KIFAP3: variants seen among roughly 807,000 people sequenced by gnomAD.
KIFAP3 encodes the protein kinesin-associated protein 3.
A neutral mutation model predicts 106.5 loss-of-function variants in KIFAP3; 68 were observed. That is an observed-to-expected ratio of 0.64 (90% CI 0.53 to 0.78). The LOEUF (loss-of-function observed/expected upper bound fraction) is 0.78. KIFAP3 is among the 30% of genes least tolerant of loss of function. The pLI, the probability that KIFAP3 is intolerant of heterozygous loss-of-function variation, is 0.00. For missense variants in KIFAP3, 780 were observed against 941.8 expected, an observed-to-expected ratio of 0.83 and a Z score of 2.25; for synonymous variants, 320 against 311.5, an observed-to-expected ratio of 1.03 and a Z score of -0.29.
At chr1:170,072,565 C>T (rs1363646327) in intron 1 of KIFAP3, among the ~76,000 whole-genome samples, 1 of 152,082 alleles carries the variant, frequency 6.6e-6, no homozygotes, top group African/African-American at 2.4e-5. Context: ...AAGAATCAAA[C>T]ACCAAAACAC....
chr1:170,072,317 T>C (rs564482653), intron 1 of KIFAP3, among the ~76,000 whole-genome samples: 2 of 152,286 alleles, frequency 1.3e-5, no homozygotes, highest in South Asian at 4.1e-4. Flanking sequence ...GATAGACACA[T>C]AGCACCTACC....
At chr1:170,062,244 G>T (rs1476509565) in intron 1 of KIFAP3, among the ~76,000 whole-genome samples, 2 of 146,298 alleles carry the variant, frequency 1.4e-5, no homozygotes, top group Non-Finnish European at 1.5e-5. Flanking sequence ...AAGAAAATGT[G>T]TCAGGTTAAA....
At chr1:170,030,004 C>T (rs757959910) in intron 8 of KIFAP3, among the ~76,000 whole-genome samples, 19 of 151,878 alleles carry the variant, frequency 1.3e-4, no homozygotes, top group Non-Finnish European at 2.4e-4. Flanking sequence ...CTTAACTAAA[C>T]TCTGAGACTA....
rs11447201 is a variant in KIFAP3, at chr1:170,048,300, G to GTT, written c.165-1436_165-1435dup. ...GTCCCTTTATTTCTTCCTTATTTGG[G>GTT]TTTTTTTTTTTTTGGTTCCTACCTT... On this transcript the variant is annotated intron_variant, in intron 2 of 19. Coordinates refer to ENST00000361580, the MANE Select transcript of KIFAP3 (RefSeq NM_014970.4). Among the ~76,000 whole-genome samples, 102 of 142,752 alleles carry GTT rather than the reference G, an allele frequency of 7.1e-4. 1 individual carries two copies. The highest frequency in any genetic ancestry group is 1.4e-3 in the African/African-American group (53 of 38,152). 93.7% of individuals were successfully genotyped at this position (142,752 alleles called of 152,430 possible). A position where few individuals can be genotyped will look rare whatever the true frequency, so the allele number is the denominator to read the frequency against.
rs1666556226 is a variant in KIFAP3, at chr1:169,982,154, T to C, written c.1673-57A>G. On this transcript the variant is annotated intron_variant, in intron 14 of 19. Transcript: ENST00000361580. The stretch of plus-strand genomic sequence containing the variant: ...TGAAATGTCCTGATCCAAATTCATT[T>C]AGAGTATCAAAATGTAAATACACAG... 14 of 1,550,496 alleles carry C rather than the reference T, an allele frequency of 9.0e-6. No homozygotes were observed. In the Admixed American group the frequency reaches 2.3e-4, roughly 26 times the overall value.
At chr1:169,943,371 A>G (rs1251222885) in intron 19 of KIFAP3, among the ~76,000 whole-genome samples, 1 of 152,188 alleles carries the variant, frequency 6.6e-6, no homozygotes, top group Non-Finnish European at 1.5e-5. Flanking sequence ...GTTAAATTAC[A>G]TTGTTAAATC....
At chr1:170,063,890 A>G (rs1671306145) in intron 1 of KIFAP3, among the ~76,000 whole-genome samples, 5 of 152,250 alleles carry the variant, frequency 3.3e-5, no homozygotes. Context: ...GCATCTATCC[A>G]TGAAAATGAT....
At chr1:169,924,560 C>A (rs1284115290) in intron 19 of KIFAP3, among the ~76,000 whole-genome samples, 1 of 152,118 alleles carries the variant, frequency 6.6e-6, no homozygotes, top group African/African-American at 2.4e-5. Context: ...TATGAAAAAT[C>A]AACTATATCT....
upstream of KIFAP3, chr1:170,074,709 A>T (rs1291352873): frequency 7.1e-7 from 1 of 1,399,654 alleles, no homozygotes; most frequent in Non-Finnish European, 9.3e-7. Flanking sequence ...CCGGGCCGTC[A>T]CGACGCATGC....
intron 17 of KIFAP3, among the ~76,000 whole-genome samples, chr1:169,962,368 C>T (rs1172526940): frequency 6.6e-6 from 1 of 152,166 alleles, no homozygotes; most frequent in Non-Finnish European, 1.5e-5. Flanking sequence ...TCTCCATCTA[C>T]TACTTGTCCC....
intron 3 of KIFAP3, among the ~76,000 whole-genome samples, chr1:170,039,909 A>G (rs1206634641): frequency 6.6e-6 from 1 of 152,130 alleles, no homozygotes; most frequent in African/African-American, 2.4e-5. Flanking sequence ...TTTATATTGA[A>G]TTATCTGATT....
chr1:170,009,774 G>A (rs1009465154), intron 10 of KIFAP3, among the ~76,000 whole-genome samples: 7 of 152,050 alleles, frequency 4.6e-5, no homozygotes, highest in African/African-American at 9.7e-5. Flanking sequence ...ATAGTCTGAC[G>A]TAAGGAAGCA....
intron 1 of KIFAP3, among the ~76,000 whole-genome samples, chr1:170,082,497 T>C (rs1391879870): frequency 6.6e-6 from 1 of 152,226 alleles, no homozygotes; most frequent in African/African-American, 2.4e-5. Flanking sequence ...ATACAATTAT[T>C]AAAACTCATC....
intron 17 of KIFAP3, among the ~76,000 whole-genome samples, chr1:169,971,623 T>C (rs1665925395): frequency 1.3e-5 from 2 of 152,086 alleles, no homozygotes; most frequent in Admixed American, 6.6e-5. Flanking sequence ...CTAACGGTGA[T>C]TGTCTAGTTT....
intron 2 of KIFAP3, among the ~76,000 whole-genome samples, chr1:170,052,623 A>G (rs1670633649): frequency 6.6e-6 from 1 of 152,258 alleles, no homozygotes. Flanking sequence ...ATCCAGCAGC[A>G]TATCAAAAAA....
intron 19 of KIFAP3, among the ~76,000 whole-genome samples, chr1:169,940,857 C>T (rs1387533253): frequency 6.6e-6 from 1 of 151,944 alleles, no homozygotes; most frequent in African/African-American, 2.4e-5. Context: ...CTCTACTGGA[C>T]TGTTCATGTC....
At chr1:170,070,931 T>C (rs939248474) in intron 1 of KIFAP3, among the ~76,000 whole-genome samples, 1 of 152,204 alleles carries the variant, frequency 6.6e-6, no homozygotes, top group Non-Finnish European at 1.5e-5. Context: ...AAGGTTCTAT[T>C]ACAAAGAACT....
At chr1:169,953,165 A>G (rs1476774721) in intron 19 of KIFAP3, among the ~76,000 whole-genome samples, 1 of 152,110 alleles carries the variant, frequency 6.6e-6, no homozygotes, top group African/African-American at 2.4e-5. Flanking sequence ...TTCTGGCGAG[A>G]TTTTAAAAAT....
At chr1:169,954,769 G>A (rs1664919748) in intron 18 of KIFAP3, among the ~76,000 whole-genome samples, 1 of 151,952 alleles carries the variant, frequency 6.6e-6, no homozygotes, top group African/African-American at 2.4e-5. Flanking sequence ...ACTAAATATT[G>A]TACAGTCCCT....
Sources: gnomAD v4.1 joint callset for allele counts (sites outside exome capture counted in the v4.1 genomes callset) on GRCh38, gnomAD v4.1.1 for gene constraint, MANE v1.5 for transcripts, NCBI Gene and HGNC (gene_info 2026-07-23, HGNC 2026-07-21) for gene names.